The following VEZT variants were observed in gnomAD, a reference collection of about 807,000 sequenced individuals.
VEZT encodes the protein vezatin.
A neutral mutation model predicts 79.9 loss-of-function variants in VEZT; 39 were observed. That is an observed-to-expected ratio of 0.49 (90% confidence interval 0.38 to 0.64). VEZT has a LOEUF of 0.64. VEZT is among the 30% of genes least tolerant of loss of function. VEZT has a pLI of 0.00. For missense variants in VEZT, 837 were observed against 893.1 expected (o/e 0.94, Z 0.80); for synonymous variants, 325 against 327.6 (o/e 0.99, Z 0.09).
intron 9 of VEZT, among the ~76,000 whole-genome samples, chr12:95,288,890 GAA>G (rs1056291012): frequency 4.6e-5 from 7 of 151,870 alleles, no homozygotes; most frequent in African/African-American, 1.2e-4. Flanking sequence ...TCTACAAATA[GAA>G]ACACTCAGAA....
chr12:95,257,512 G>A (rs926164028), intron 3 of VEZT, among the ~76,000 whole-genome samples: 3 of 152,162 alleles, frequency 2.0e-5, no homozygotes, highest in Admixed American at 6.5e-5. Context: ...CCATTGACAG[G>A]TATCCCTCTC....
chr12:95,274,548 A>G (rs923759265), intron 6 of VEZT, among the ~76,000 whole-genome samples, 194 bp from the exon 7 acceptor site: 1 of 152,216 alleles, frequency 6.6e-6, no homozygotes, highest in African/African-American at 2.4e-5. Context: ...AATTGTATCC[A>G]CAAGTATCCA....
intron 1 of VEZT, among the ~76,000 whole-genome samples, chr12:95,246,398 C>A (rs2061726192): frequency 6.6e-6 from 1 of 152,202 alleles, no homozygotes; most frequent in Non-Finnish European, 1.5e-5. Context: ...GCTGGGATTA[C>A]AGGCGTGAGC....
chr12:95,224,874 G>A (rs965936843), intron 1 of VEZT, among the ~76,000 whole-genome samples: 1 of 152,166 alleles, frequency 6.6e-6, no homozygotes, highest in Non-Finnish European at 1.5e-5. Flanking sequence ...TGTTCCACCT[G>A]AGATCATCAG....
At chr12:95,270,611 C>T (rs1266084020) in intron 6 of VEZT, among the ~76,000 whole-genome samples, 1 of 152,212 alleles carries the variant, frequency 6.6e-6, no homozygotes, top group Non-Finnish European at 1.5e-5. Flanking sequence ...CAAACACTGG[C>T]TGTATCAGTT....
At chr12:95,262,160 T>A (rs1388687851) in intron 3 of VEZT, 1 of 152,254 alleles carries the variant, frequency 6.6e-6, no homozygotes, top group East Asian at 1.9e-4. Context: ...GGTCCCTCTA[T>A]GCCATTTTCA....
chr12:95,274,893 A>G lies in VEZT; in HGVS notation c.996+4A>G. 2 of 1,611,800 alleles carry G rather than the reference A, an allele frequency of 1.2e-6. No homozygotes were observed. Among genetic ancestry groups the G allele is most frequent in the Non-Finnish European group, 8.5e-7 (1 of 1,179,142 alleles). On this transcript the variant is annotated splice_donor_region_variant and intron_variant, in intron 7 of 11. Transcript: ENST00000436874. Reference sequence around the variant, plus strand: ...CTTCAGCCTGCCTGCATTGAAGGTAATCCATTTGTGTAAGGGAAGGGCTGA... The same window carrying G: ...CTTCAGCCTGCCTGCATTGAAGGTAGTCCATTTGTGTAAGGGAAGGGCTGA...
At chr12:95,271,803 T>C (rs2138823567) in intron 6 of VEZT, among the ~76,000 whole-genome samples, 1 of 152,312 alleles carries the variant, frequency 6.6e-6, no homozygotes, top group Middle Eastern at 3.4e-3. Context: ...CAGTCATTTT[T>C]CTAGAAACTG....
chr12:95,219,699 A>G (rs2057278421), intron 1 of VEZT, among the ~76,000 whole-genome samples: 1 of 152,256 alleles, frequency 6.6e-6, no homozygotes, highest in African/African-American at 2.4e-5. Context: ...GTGAAAGAAT[A>G]TGAACATTTA....
At chr12:95,264,244 G>C (rs528847636) in intron 4 of VEZT, among the ~76,000 whole-genome samples, 1 of 152,222 alleles carries the variant, frequency 6.6e-6, no homozygotes, top group South Asian at 2.1e-4. Flanking sequence ...CTGATAGAAG[G>C]AACCATAGGT....
At chr12:95,287,987 TA>T in intron 9 of VEZT, 130 bp downstream of exon 9, 1 of 728,900 alleles carries the variant, frequency 1.4e-6, no homozygotes, top group Non-Finnish European at 2.1e-6. Context: ...TACTTTTTTT[TA>T]ATGTTGAATT....
intron 1 of VEZT, among the ~76,000 whole-genome samples, chr12:95,229,316 A>G (rs1824809059): frequency 6.6e-6 from 1 of 152,154 alleles, no homozygotes; most frequent in African/African-American, 2.4e-5. Flanking sequence ...CAGTGCCTAC[A>G]TTATTTTTTT....
intron 10 of VEZT, among the ~76,000 whole-genome samples, chr12:95,294,772 T>C (rs962080280): frequency 2.6e-5 from 4 of 152,226 alleles, no homozygotes; most frequent in Non-Finnish European, 5.9e-5. Context: ...AGGTTACTTT[T>C]GTTCATTGTA....
intron 1 of VEZT, among the ~76,000 whole-genome samples, chr12:95,237,280 G>T (rs1197828809): frequency 2.0e-5 from 3 of 151,994 alleles, no homozygotes; most frequent in Non-Finnish European, 4.4e-5. Flanking sequence ...GCCTCATAAG[G>T]TTATTGCAAA....
intron 1 of VEZT, among the ~76,000 whole-genome samples, chr12:95,239,533 C>G (rs2060607009): frequency 6.6e-6 from 1 of 152,194 alleles, no homozygotes; most frequent in South Asian, 2.1e-4. Flanking sequence ...TTAGTGCAGA[C>G]TACAAATTGC....
rs761325946 is a variant in VEZT at position 95,282,469 on chromosome 12, C to T, written c.1153C>T (p.His385Tyr). 2 of 1,613,984 alleles carry T rather than the reference C, an allele frequency of 1.2e-6. No homozygotes were observed. The highest frequency in any genetic ancestry group is 2.2e-5 in the East Asian group (1 of 44,876). Residue 385 changes from histidine (H) to tyrosine (Y), a missense_variant, in exon 8 of 12, where the codon CAT becomes TAT. His to Tyr is a moderately conservative substitution (Grantham distance 83). Transcript: ENST00000436874. ...TGTGACTCAAGGTCTACCTCATGCT[C>T]ATTCTGCCTGTTTGGAAGAGCTTAA... ...SDVTQGLPHAHSACLEELKRS... is the reference protein window; with the variant it reads ...SDVTQGLPHAYSACLEELKRS...
At chr12:95,229,508 A>G (rs6538620) in intron 1 of VEZT, among the ~76,000 whole-genome samples, 43,621 of 152,040 alleles carry the variant, frequency 0.29, 7,178 homozygotes, top group African/African-American at 0.46. Context: ...ATACCATATC[A>G]TCCTTTGGTA....
intron 4 of VEZT, among the ~76,000 whole-genome samples, chr12:95,264,864 C>A (rs1159705485): frequency 7.8e-6 from 1 of 128,450 alleles, no homozygotes. Context: ...TCTTTCTTTT[C>A]TTTTCTTTTT....
At chr12:95,244,778 G>GT (rs57362837) in intron 1 of VEZT, among the ~76,000 whole-genome samples, 17,745 of 140,742 alleles carry the variant, frequency 0.13, 1,240 homozygotes, top group Non-Finnish European at 0.17. Context: ...TTTTTGGTGT[G>GT]TTTTTTTTTT....
Sources: allele counts gnomAD v4.1 joint callset (sites outside exome capture counted in the v4.1 genomes callset), GRCh38; gene constraint gnomAD v4.1.1; transcripts MANE v1.5; gene names NCBI Gene and HGNC (gene_info 2026-07-23, HGNC 2026-07-21).